Variants in MAP3K7 observed in about 807,000 individuals in gnomAD.
The protein encoded by MAP3K7 is mitogen-activated protein kinase kinase kinase 7, also known as TGF-beta activated kinase 1.
In MAP3K7, 21 loss-of-function variants were observed where a neutral mutation model predicts 84.8. The observed-to-expected ratio is 0.25, with a 90% CI of 0.18 to 0.36. The LOEUF is 0.36. Among genes scored for constraint, MAP3K7 ranks in the 10% least tolerant of loss-of-function variants. The pLI is 1.00. For synonymous variants in MAP3K7, 241 were observed against 247.7 expected, an observed-to-expected ratio of 0.97 and a Z score of 0.25; for missense variants, 503 against 747.7, an observed-to-expected ratio of 0.67 and a Z score of 3.82.
At chr6:90,551,015 G>C (rs1263503303) in intron 8 of MAP3K7, 1 of 152,306 alleles carries the variant, frequency 6.6e-6, no homozygotes, top group Non-Finnish European at 1.5e-5. Flanking sequence ...AAAAATGTTA[G>C]AATTTAGAGA....
intron 1 of MAP3K7, among the ~76,000 whole-genome samples, chr6:90,575,706 T>C (rs78452503): frequency 2.6e-5 from 4 of 152,218 alleles, no homozygotes; most frequent in Non-Finnish European, 5.9e-5. Flanking sequence ...AGAACACAGC[T>C]GGGTTTCAGA....
intron 1 of MAP3K7, among the ~76,000 whole-genome samples, chr6:90,573,404 A>C (rs958321704): frequency 1.3e-5 from 2 of 151,946 alleles, no homozygotes; most frequent in African/African-American, 2.4e-5. Flanking sequence ...TTGGAGATCA[A>C]AAAAAGGGCA....
intron 1 of MAP3K7, among the ~76,000 whole-genome samples, chr6:90,580,301 T>A (rs1777227072): frequency 6.6e-6 from 1 of 152,178 alleles, no homozygotes; most frequent in African/African-American, 2.4e-5. Context: ...TGAGACATAC[T>A]GGCAACTGAG....
intron 12 of MAP3K7, 23 bp from the exon 13 acceptor site, chr6:90,536,424 A>G (rs1419320032): frequency 3.9e-5 from 61 of 1,583,254 alleles, no homozygotes; most frequent in Non-Finnish European, 5.2e-5. Context: ...GAAAAAAAGT[A>G]AAATACTAAA....
chr6:90,586,320 C>A (rs983317233), intron 1 of MAP3K7, among the ~76,000 whole-genome samples: 5 of 145,628 alleles, frequency 3.4e-5, no homozygotes, highest in Non-Finnish European at 6.0e-5. Flanking sequence ...TGCAGTGAGC[C>A]GAGATTGCGC....
intron 6 of MAP3K7, among the ~76,000 whole-genome samples, chr6:90,554,860 T>C (rs1023801462): frequency 1.3e-5 from 2 of 152,264 alleles, no homozygotes; most frequent in African/African-American, 4.8e-5. Flanking sequence ...TAACACCTGA[T>C]TATTCATTTA....
Position 90,516,018 on chromosome 6 carries a change from C to T in MAP3K7, c.*483G>A, listed in dbSNP as rs2172710. On this transcript the variant is annotated 3_prime_UTR_variant, in exon 17 of 17. Transcript: ENST00000369329. Reference sequence around the variant, plus strand: ...GGTTCCGTATTTCCGTAATATACCACCAATCACTCTAAATTTATAATACCC... The same window carrying T: ...GGTTCCGTATTTCCGTAATATACCATCAATCACTCTAAATTTATAATACCC... 4,449 of 165,350 alleles carry T rather than the reference C, an allele frequency of 0.027. 80 individuals are homozygous for T. Among genetic ancestry groups the T allele is most frequent in the South Asian group, 0.045 (273 of 6,044 alleles). The allele number at this position is 165,350 out of a possible 1,614,324, so 10.2% of individuals were successfully genotyped here.
chr6:90,519,555 T>C (rs1775081216), intron 14 of MAP3K7, among the ~76,000 whole-genome samples: 1 of 152,008 alleles, frequency 6.6e-6, no homozygotes, highest in Non-Finnish European at 1.5e-5. Flanking sequence ...AAGTTGGCTA[T>C]AAACTGAATA....
chr6:90,542,407 T>C (rs566340932), intron 12 of MAP3K7: 1 of 982,890 alleles, frequency 1.0e-6, no homozygotes, highest in East Asian at 1.1e-4. Flanking sequence ...TACTGAATAA[T>C]ATTTTCATAT....
chr6:90,541,093 T>C (rs776951096), intron 12 of MAP3K7, among the ~76,000 whole-genome samples: 2 of 151,938 alleles, frequency 1.3e-5, no homozygotes, highest in Non-Finnish European at 2.9e-5. Flanking sequence ...ACTGCCCTTA[T>C]TAAAGTCCTA....
At position 90,556,576 on chromosome 6, in the gene MAP3K7, A is replaced by G; in HGVS notation, c.531T>C (p.Gly177=). ...GGTVLKICDF[G]TACDIQTHMT... ...TGTGTGTCTGAATGTCACAGGCTGTACCAAAATCACAAATTTTTAGAACTG... is the reference window on the plus strand; with the variant it reads ...TGTGTGTCTGAATGTCACAGGCTGTGCCAAAATCACAAATTTTTAGAACTG... The change falls in exon 6 of 17, where the codon GGT becomes GGC. Residue 177 remains glycine (G), a synonymous_variant. Coordinates refer to ENST00000369329, the MANE Select transcript of MAP3K7 (RefSeq NM_145331.3). 6.2e-7 allele frequency: 1 copy of G among 1,613,458 alleles called. No homozygotes were observed. Among genetic ancestry groups the G allele is most frequent in the Non-Finnish European group, 8.5e-7 (1 of 1,179,714 alleles).
intron 12 of MAP3K7, among the ~76,000 whole-genome samples, chr6:90,543,844 T>C (rs1775924055): frequency 6.6e-6 from 1 of 152,098 alleles, no homozygotes; most frequent in South Asian, 2.1e-4. Context: ...AATGGTAACA[T>C]ATTCCTCTAT....
chr6:90,551,342 T>C (rs35952702), intron 8 of MAP3K7: 2 of 152,256 alleles, frequency 1.3e-5, no homozygotes, highest in African/African-American at 2.4e-5. Flanking sequence ...ACAAACTGTT[T>C]CAAAATTCAG....
intron 14 of MAP3K7, among the ~76,000 whole-genome samples, chr6:90,523,371 A>G (rs1775215608): frequency 6.6e-6 from 1 of 152,092 alleles, no homozygotes; most frequent in South Asian, 2.1e-4. Flanking sequence ...GGATGAATCT[A>G]GTAGGAAAAT....
intron 13 of MAP3K7, among the ~76,000 whole-genome samples, chr6:90,525,675 C>G (rs1174036977): frequency 6.6e-6 from 1 of 152,002 alleles, no homozygotes; most frequent in African/African-American, 2.4e-5. Context: ...TCAAGCGATC[C>G]TTCCATCTCA....
At chr6:90,571,043 AAC>A (rs1776882105) in intron 2 of MAP3K7, among the ~76,000 whole-genome samples, 1 of 152,162 alleles carries the variant, frequency 6.6e-6, no homozygotes, top group Non-Finnish European at 1.5e-5. Flanking sequence ...TAAATGAAAA[AAC>A]AGAGATATAA....
intron 2 of MAP3K7, among the ~76,000 whole-genome samples, chr6:90,568,897 G>C (rs895053799): frequency 6.6e-6 from 1 of 152,088 alleles, no homozygotes; most frequent in African/African-American, 2.4e-5. Flanking sequence ...GCTATAACAG[G>C]AGTTATGAAC....
intron 12 of MAP3K7, among the ~76,000 whole-genome samples, chr6:90,543,114 C>A (rs1023070207): frequency 3.9e-5 from 6 of 152,030 alleles, no homozygotes; most frequent in African/African-American, 1.4e-4. Flanking sequence ...AATGCTTCCA[C>A]CTCTTTAAAG....
At chr6:90,550,226 C>T (rs766711126) in intron 9 of MAP3K7, among the ~76,000 whole-genome samples, 4 of 151,978 alleles carry the variant, frequency 2.6e-5, no homozygotes, top group African/African-American at 9.7e-5. Context: ...ATACAATATG[C>T]CATCTTTTTA....
Sources: allele counts gnomAD v4.1 joint callset (sites outside exome capture counted in the v4.1 genomes callset), GRCh38; gene constraint gnomAD v4.1.1; transcripts MANE v1.5; gene names NCBI Gene and HGNC (gene_info 2026-07-23, HGNC 2026-07-21).